The following RERE variants were observed in gnomAD, a reference collection of about 807,000 sequenced individuals.
RERE encodes the protein arginine-glutamic acid dipeptide repeats, also known as arginine-glutamic acid dipeptide repeats protein.
Under a neutral mutation model 146.1 loss-of-function variants are expected in RERE, and 40 were observed. The ratio of observed to expected loss-of-function variants is 0.27; its 90% CI spans 0.21 to 0.36. The LOEUF is 0.36. RERE is among the 10% of genes least tolerant of loss of function. The probability of loss-of-function intolerance (pLI) is 1.00; values close to 1 mark genes in which losing one functional copy is unlikely to be tolerated. For missense variants in RERE, 1,933 were observed against 2,138.7 expected (o/e 0.90, Z 1.90); for synonymous variants, 1,003 against 866.0 (o/e 1.16, Z -2.78).
intron 6 of RERE, among the ~76,000 whole-genome samples, chr1:8,548,967 G>A (rs1360704376): frequency 6.6e-6 from 1 of 152,106 alleles, no homozygotes; most frequent in African/African-American, 2.4e-5. Context: ...CTGGGCAACA[G>A]AGCAAGACTC....
chr1:8,438,960 T>C, intron 11 of RERE, among the ~76,000 whole-genome samples: 1 of 152,214 alleles, frequency 6.6e-6, no homozygotes, highest in East Asian at 1.9e-4. Context: ...TATAAACTCT[T>C]GGTTTAAAAA....
chr1:8,758,241 A>G (rs983071907), intron 1 of RERE, among the ~76,000 whole-genome samples: 5 of 151,944 alleles, frequency 3.3e-5, no homozygotes, highest in Non-Finnish European at 5.9e-5. Flanking sequence ...CTGCGCCACC[A>G]TGCCCGGCAA....
chr1:8,639,101 A>G (rs935240644), intron 2 of RERE, among the ~76,000 whole-genome samples: 19 of 152,170 alleles, frequency 1.2e-4, no homozygotes, highest in African/African-American at 4.6e-4. Flanking sequence ...CTATAGCCAA[A>G]TATTATAAAT....
At chr1:8,757,431 C>G (rs912638460) in intron 1 of RERE, among the ~76,000 whole-genome samples, 2 of 152,298 alleles carry the variant, frequency 1.3e-5, no homozygotes, top group Non-Finnish European at 1.5e-5. Flanking sequence ...ATCAAATTCT[C>G]TACTGCATCA....
At chr1:8,808,920 G>A (rs955681948) in intron 1 of RERE, among the ~76,000 whole-genome samples, 3 of 152,020 alleles carry the variant, frequency 2.0e-5, no homozygotes, top group Admixed American at 6.6e-5. Context: ...GGCGGATCAC[G>A]AAGTCAGGAG....
chr1:8,737,003 T>C (rs931507152), intron 1 of RERE, among the ~76,000 whole-genome samples: 4 of 152,222 alleles, frequency 2.6e-5, no homozygotes, highest in African/African-American at 9.6e-5. Flanking sequence ...TGATTATCTT[T>C]CTTTAGAAAA....
intron 12 of RERE, among the ~76,000 whole-genome samples, chr1:8,385,764 T>C (rs376752516): frequency 2.0e-5 from 3 of 149,908 alleles, no homozygotes; most frequent in African/African-American, 7.4e-5. Flanking sequence ...AGATCGAGAC[T>C]ATCCTGGCTA....
intron 1 of RERE, among the ~76,000 whole-genome samples, chr1:8,693,918 G>A (rs1262335129): frequency 6.8e-6 from 1 of 147,716 alleles, no homozygotes; most frequent in Non-Finnish European, 1.5e-5. Context: ...CTGATTTAAT[G>A]TTTTAAAATT....
chr1:8,414,903 G>A (rs1643719695), intron 12 of RERE, among the ~76,000 whole-genome samples: 1 of 152,030 alleles, frequency 6.6e-6, no homozygotes, highest in African/African-American at 2.4e-5. Context: ...CTGAGCAGCT[G>A]GGACTGAGAC....
chr1:8,404,550 C>A (rs944039235), intron 12 of RERE, among the ~76,000 whole-genome samples: 1 of 152,176 alleles, frequency 6.6e-6, no homozygotes, highest in African/African-American at 2.4e-5. Context: ...GTGAGCCTGG[C>A]CAAAATCTTA....
intron 12 of RERE, among the ~76,000 whole-genome samples, chr1:8,380,090 G>A (rs2124404810): frequency 6.6e-6 from 1 of 152,246 alleles, no homozygotes; most frequent in East Asian, 1.9e-4. Flanking sequence ...ATGTCACTGT[G>A]CTCCCAGAAC....
chr1:8,726,599 C>T (rs1374000886), intron 1 of RERE, among the ~76,000 whole-genome samples: 1 of 152,168 alleles, frequency 6.6e-6, no homozygotes, highest in African/African-American at 2.4e-5. Flanking sequence ...ACCGGGACAC[C>T]GTGTGGTGGG....
Position 8,418,901 on chromosome 1 carries a change from G to A in RERE, c.1284+3826C>T, listed in dbSNP as rs1191989464. Among the ~76,000 whole-genome samples, 6 of 152,028 alleles carry A rather than the reference G, an allele frequency of 3.9e-5. No individual in the cohort carries two copies. In the East Asian group the frequency reaches 9.6e-4, roughly 24 times the overall value. On this transcript the variant is annotated intron_variant, in intron 12 of 22. Transcript: ENST00000400908. ...GGCAGGGCTCAAAGCAGAATCAAGA[G>A]GCCTAGTTCTCCACTGTCCTCCCAA...
chr1:8,769,913 C>A (rs867467376), intron 1 of RERE, among the ~76,000 whole-genome samples: 15 of 152,066 alleles, frequency 9.9e-5, no homozygotes, highest in Admixed American at 9.8e-4. Flanking sequence ...CTCAGCCTCC[C>A]GAGTAGCTGG....
intron 10 of RERE, among the ~76,000 whole-genome samples, chr1:8,467,132 C>T (rs148301359): frequency 6.6e-6 from 1 of 152,342 alleles, no homozygotes; most frequent in African/African-American, 2.4e-5. Flanking sequence ...TTCTGGGACA[C>T]AGCAGTAAAC....
chr1:8,784,789 CA>C (rs1302085046), intron 1 of RERE, among the ~76,000 whole-genome samples: 1 of 152,122 alleles, frequency 6.6e-6, no homozygotes, highest in Non-Finnish European at 1.5e-5. Context: ...ATGGCAGACA[CA>C]AGTTTAAATT....
At chr1:8,441,902 A>G (rs1644253729) in intron 11 of RERE, among the ~76,000 whole-genome samples, 1 of 131,492 alleles carries the variant, frequency 7.6e-6, no homozygotes. Context: ...GAGCTTTATT[A>G]TTAAAGGAAA....
At chr1:8,592,363 C>T (rs1646505504) in intron 4 of RERE, among the ~76,000 whole-genome samples, 1 of 152,082 alleles carries the variant, frequency 6.6e-6, no homozygotes, top group Non-Finnish European at 1.5e-5. Flanking sequence ...TCGACCTCCC[C>T]AGGCTCAAGC....
chr1:8,385,693 C>CCAAACAAA (rs201024519), intron 12 of RERE, among the ~76,000 whole-genome samples: 2 of 151,380 alleles, frequency 1.3e-5, no homozygotes, highest in East Asian at 1.9e-4. Flanking sequence ...AAGCCTTCTA[C>CCAAACAAA]CAAACAAACA....
Sources: allele counts gnomAD v4.1 joint callset (sites outside exome capture counted in the v4.1 genomes callset), GRCh38; gene constraint gnomAD v4.1.1; transcripts MANE v1.5; gene names NCBI Gene and HGNC (gene_info 2026-07-23, HGNC 2026-07-21).